The following CSMD1 variants were observed in gnomAD, a reference collection of about 807,000 sequenced individuals.
CSMD1 encodes CUB and sushi domain-containing protein 1.
CSMD1 carries 213 observed loss-of-function variants against 417.5 expected under a neutral mutation model. The ratio of observed to expected loss-of-function variants is 0.51; its 90% CI spans 0.46 to 0.57. CSMD1 has a LOEUF of 0.57. Among genes scored for constraint, CSMD1 ranks in the 20% least tolerant of loss-of-function variants. The pLI is 0.00. For missense variants in CSMD1, 6,923 were observed against 4,529.7 expected, an observed-to-expected ratio of 1.53 and a Z score of -15.17; for synonymous variants, 2,862 against 1,736.8, an observed-to-expected ratio of 1.65 and a Z score of -16.11.
At position 4,994,652 on chromosome 8, in the gene CSMD1, C is replaced by T. The variant is rs1811661550; in HGVS notation, c.-236G>A. 9.3e-6 allele frequency: 4 copies of T among 431,372 alleles called. No homozygotes were observed. Among genetic ancestry groups the T allele is most frequent in the Non-Finnish European group, 1.7e-5 (4 of 241,794 alleles). 26.7% of individuals were successfully genotyped at this position (431,372 alleles called of 1,614,324 possible). A position where few individuals can be genotyped will look rare whatever the true frequency, so the allele number is the denominator to read the frequency against. On this transcript the variant is annotated 5_prime_UTR_variant, in exon 1 of 70. Transcript: ENST00000635120. ...GCTGCTCCGAGCGCGGAGACCCGGG[C>T]TGGCGGGGCCGGGGCCGGGGACGAG...
intron 1 of CSMD1, among the ~76,000 whole-genome samples, chr8:4,829,996 G>A (rs953608936): frequency 1.2e-4 from 19 of 152,256 alleles, no homozygotes; most frequent in East Asian, 5.8e-4. Context: ...TTGTCTTTCC[G>A]TGCTCTCGTG....
chr8:3,097,490 G>A (rs188635554), intron 46 of CSMD1, among the ~76,000 whole-genome samples: 1 of 152,148 alleles, frequency 6.6e-6, no homozygotes. Flanking sequence ...CATTCCAAGA[G>A]CCCTAGTGAT....
At chr8:3,856,332 A>C (rs766222111) in intron 5 of CSMD1, among the ~76,000 whole-genome samples, 5 of 152,136 alleles carry the variant, frequency 3.3e-5, no homozygotes, top group Non-Finnish European at 5.9e-5. Context: ...CTGCCCCAGA[A>C]GCTGCTATGC....
intron 1 of CSMD1, among the ~76,000 whole-genome samples, chr8:4,747,323 T>A (rs1811024429): frequency 1.3e-5 from 2 of 152,320 alleles, no homozygotes; most frequent in Admixed American, 6.5e-5. Flanking sequence ...ATTTATTTCA[T>A]AAATATGAAG....
At position 4,578,221 on chromosome 8, in the gene CSMD1, C is replaced by T. The variant is rs967751524; in HGVS notation, c.302+59121G>A. Reference sequence around the variant, plus strand: ...TGTTGCCCACGCTGGAGTGCAGTGGCGTGATCTCGGCTCACTGCAAGCTCT... The same window carrying T: ...TGTTGCCCACGCTGGAGTGCAGTGGTGTGATCTCGGCTCACTGCAAGCTCT... On this transcript the variant is annotated intron_variant, in intron 2 of 69. Coordinates refer to ENST00000635120, the MANE Select transcript of CSMD1 (RefSeq NM_033225.6). Among the ~76,000 whole-genome samples the T allele has an allele frequency of 9.9e-5, 15 of 151,188 alleles. 1 individual carries two copies. The South Asian group carries it at 1.1e-3, about 11-fold the overall frequency.
At chr8:2,953,611 T>C (rs1217296864) in intron 65 of CSMD1, among the ~76,000 whole-genome samples, 1 of 152,176 alleles carries the variant, frequency 6.6e-6, no homozygotes, top group Non-Finnish European at 1.5e-5. Flanking sequence ...TAAAAATAAT[T>C]TAAATTTAAA....
intron 7 of CSMD1, among the ~76,000 whole-genome samples, chr8:3,707,500 C>CT (rs1563294035): frequency 6.6e-6 from 1 of 152,164 alleles, no homozygotes; most frequent in Non-Finnish European, 1.5e-5. Context: ...CTAGAAGAAG[C>CT]GTGAGCAGAA....
chr8:4,447,938 C>G (rs182099032), intron 2 of CSMD1, among the ~76,000 whole-genome samples: 313 of 152,158 alleles, frequency 2.1e-3, no homozygotes, highest in African/African-American at 7.3e-3. Context: ...ACCACACTCA[C>G]CATATTTTTT....
intron 1 of CSMD1, among the ~76,000 whole-genome samples, chr8:4,988,171 T>G (rs1161039395): frequency 6.6e-6 from 1 of 152,248 alleles, no homozygotes; most frequent in Non-Finnish European, 1.5e-5. Flanking sequence ...TCATGTCTAT[T>G]ATAATGATAG....
At chr8:4,443,764 C>G (rs1258227086) in intron 2 of CSMD1, among the ~76,000 whole-genome samples, 1 of 152,168 alleles carries the variant, frequency 6.6e-6, no homozygotes, top group Non-Finnish European at 1.5e-5. Context: ...ACTATAAACA[C>G]ATTCTATCTC....
At chr8:4,260,633 A>G (rs2680600) in intron 3 of CSMD1, among the ~76,000 whole-genome samples, 135,692 of 152,216 alleles carry the variant, frequency 0.89, 62,448 homozygotes, top group East Asian at 1. Context: ...GATATTATTC[A>G]TAAGTCCTTG....
At chr8:4,175,446 T>G (rs140938512) in intron 3 of CSMD1, among the ~76,000 whole-genome samples, 7 of 147,658 alleles carry the variant, frequency 4.7e-5, no homozygotes, top group African/African-American at 1.5e-4. Context: ...ATTGACATCT[T>G]TATTTTATGA....
chr8:4,430,080 C>A (rs1797786171), intron 2 of CSMD1, among the ~76,000 whole-genome samples: 1 of 152,150 alleles, frequency 6.6e-6, no homozygotes, highest in Admixed American at 6.6e-5. Flanking sequence ...AGAAACAAAA[C>A]TTAATGTTTA....
chr8:3,571,734 T>TCTC (rs971842791), intron 10 of CSMD1, among the ~76,000 whole-genome samples: 6 of 146,944 alleles, frequency 4.1e-5, no homozygotes, highest in African/African-American at 1.5e-4. Flanking sequence ...TGCTGGAAGG[T>TCTC]CTCCAGTCTT....
chr8:3,908,231 T>C (rs887386078), intron 5 of CSMD1, among the ~76,000 whole-genome samples: 1 of 140,964 alleles, frequency 7.1e-6, no homozygotes, highest in East Asian at 2.1e-4. Flanking sequence ...TTAATTTGCA[T>C]AACAATTTTA....
chr8:3,051,789 A>G (rs1373929331), intron 50 of CSMD1, among the ~76,000 whole-genome samples: 1 of 152,216 alleles, frequency 6.6e-6, no homozygotes, highest in African/African-American at 2.4e-5. Context: ...ACCTGCAATG[A>G]AAATCTTGCT....
At chr8:4,398,174 A>T (rs1369641566) in intron 3 of CSMD1, among the ~76,000 whole-genome samples, 2 of 152,176 alleles carry the variant, frequency 1.3e-5, no homozygotes, top group Admixed American at 1.3e-4. Flanking sequence ...GTTTCCTGAC[A>T]ACAGAACTCC....
chr8:3,744,423 G>C lies in CSMD1; in HGVS notation c.931+9507C>G, dbSNP rs1295599789. On this transcript the variant is annotated intron_variant, in intron 6 of 69. Transcript: ENST00000635120. ...GAATTACATGAGGTTTTATTCCATA[G>C]AAAGATTTTAACCAGGAAAAAAGTC... is the stretch of plus-strand genomic sequence containing the variant. 2.6e-5 allele frequency among the ~76,000 whole-genome samples: 4 copies of C among 152,264 alleles called. No homozygotes were observed. In the East Asian group the frequency reaches 5.8e-4, roughly 22 times the overall value.
rs1379963807 is a variant in CSMD1 at position 4,727,912 on chromosome 8, TAC to T, written c.86-90356_86-90355del. On this transcript the variant is annotated intron_variant, in intron 1 of 69. Transcript: ENST00000635120. Reference sequence around the variant, plus strand: ...CCCACCTATACCACATATATATATATACCAAATACATCTAATATATATATATA... The same window carrying T: ...CCCACCTATACCACATATATATATATCAAATACATCTAATATATATATATA... Among the ~76,000 whole-genome samples the T allele has an allele frequency of 3.3e-3, 482 of 146,918 alleles. 1 individual carries two copies. The highest frequency in any genetic ancestry group is 0.012 in the African/African-American group (468 of 40,504).
Sources: gnomAD v4.1 joint callset for allele counts (sites outside exome capture counted in the v4.1 genomes callset) on GRCh38, gnomAD v4.1.1 for gene constraint, MANE v1.5 for transcripts, NCBI Gene and HGNC (gene_info 2026-07-23, HGNC 2026-07-21) for gene names.